The following RAB27A variants were observed in gnomAD, a reference collection of about 807,000 sequenced individuals.
RAB27A encodes the protein RAB27A, member RAS oncogene family.
Under a neutral mutation model 20.8 loss-of-function variants are expected in RAB27A, and 17 were observed. That is an observed-to-expected ratio of 0.82 (90% CI 0.56 to 1.23). The LOEUF (loss-of-function observed/expected upper bound fraction) is 1.23, where lower values mean the gene tolerates loss of function less well. RAB27A is among the 50% of genes most tolerant of loss of function. The probability of loss-of-function intolerance (pLI) is 0.00; values close to 1 mark genes in which losing one functional copy is unlikely to be tolerated. For missense variants in RAB27A, 277 were observed against 266.7 expected (o/e 1.04, Z -0.27); for synonymous variants, 85 against 92.8 (o/e 0.92, Z 0.48).
chr15:55,223,997 T>A lies in RAB27A; in HGVS notation c.359A>T (p.His120Leu), dbSNP rs1895697623. 6.3e-6 allele frequency: 10 copies of A among 1,584,854 alleles called. No homozygotes were observed. The highest frequency in any genetic ancestry group is 1.3e-5 in the African/African-American group (1 of 74,344). The change falls in exon 6 of 7, where the codon CAT (histidine) becomes CTT (leucine). Residue 120 changes from histidine (H) to leucine (L), a missense_variant. Physicochemically the swap from His to Leu is moderately conservative, Grantham distance 99. Transcript: ENST00000336787. The stretch of plus-strand genomic sequence containing the variant: ...TATATCTGGGTTTTCACAATATGCA[T>A]GCATCTGTAGCTGGCCTATTAATAT... Reference protein sequence around the residue: ...VRNWISQLQMHAYCENPDIVL... With the variant: ...VRNWISQLQMLAYCENPDIVL...
intron 6 of RAB27A, among the ~76,000 whole-genome samples, chr15:55,221,016 C>G (rs1352762602): frequency 6.6e-6 from 1 of 152,186 alleles, no homozygotes; most frequent in Non-Finnish European, 1.5e-5. Flanking sequence ...GAGCTCCTCT[C>G]TATGAAATAC....
At chr15:55,300,029 C>T (rs185138353) in intron 2 of RAB27A, among the ~76,000 whole-genome samples, 7 of 152,058 alleles carry the variant, frequency 4.6e-5, no homozygotes, top group Admixed American at 2.0e-4. Flanking sequence ...ACCACGTTAG[C>T]CAGGATGGTC....
chr15:55,253,263 C>T (rs1278813311), intron 2 of RAB27A, among the ~76,000 whole-genome samples: 1 of 151,640 alleles, frequency 6.6e-6, no homozygotes, highest in Non-Finnish European at 1.5e-5. Context: ...GCCTGGCCAA[C>T]ATGGTGAAAC....
At chr15:55,206,207 T>A (rs1433264998) in intron 6 of RAB27A, 1 of 487,220 alleles carries the variant, frequency 2.1e-6, no homozygotes, top group Non-Finnish European at 2.7e-6. Context: ...TTAGACTGTC[T>A]CAAAAAAAAT....
intron 2 of RAB27A, among the ~76,000 whole-genome samples, chr15:55,240,474 G>C (rs1896436230): frequency 1.3e-5 from 2 of 152,092 alleles, no homozygotes; most frequent in Non-Finnish European, 2.9e-5. Context: ...CCTATACATA[G>C]CATATACACT....
At position 55,203,381 on chromosome 15, in the gene RAB27A, T is replaced by C. The variant is rs906628031; in HGVS notation, c.*2126A>G. On this transcript the variant is annotated 3_prime_UTR_variant, in exon 7 of 7. Transcript: ENST00000336787. ...GCACTGAAGTCTTATGGCAACTATATAAGGCACTGCTGTGTGATTATGACC... is the reference window on the plus strand; with the variant it reads ...GCACTGAAGTCTTATGGCAACTATACAAGGCACTGCTGTGTGATTATGACC... 6.6e-6 allele frequency: 1 copy of C among 151,808 alleles called. No individual in the cohort carries two copies. The highest frequency in any genetic ancestry group is 2.4e-5 in the African/African-American group (1 of 41,308). The allele number at this position is 151,808 out of a possible 1,614,324, so 9.4% of individuals were successfully genotyped here. A position where few individuals can be genotyped will look rare whatever the true frequency, so the allele number is the denominator to read the frequency against.
intron 2 of RAB27A, among the ~76,000 whole-genome samples, chr15:55,263,018 G>C (rs1897332086): frequency 6.6e-6 from 1 of 152,176 alleles, no homozygotes; most frequent in South Asian, 2.1e-4. Context: ...GTTTCAGCAT[G>C]TATCAAGGAG....
intron 2 of RAB27A, among the ~76,000 whole-genome samples, chr15:55,313,165 T>C (rs539758047): frequency 6.6e-6 from 1 of 152,328 alleles, no homozygotes; most frequent in East Asian, 1.9e-4. Flanking sequence ...CCTAGAATCC[T>C]AGTGCTTTGG....
intron 2 of RAB27A, among the ~76,000 whole-genome samples, chr15:55,304,859 T>C (rs145677411): frequency 1.2e-4 from 19 of 152,052 alleles, no homozygotes. Context: ...ATGGTGTGTG[T>C]GTATTTTGTT....
At chr15:55,230,552 T>A in intron 3 of RAB27A, 66 bp from the exon 4 acceptor site, 1 of 1,333,082 alleles carries the variant, frequency 7.5e-7, no homozygotes, top group East Asian at 2.3e-5. Flanking sequence ...TTCTCACCTT[T>A]TTGTTCAGTA....
At chr15:55,234,049 T>A (rs917064203) in intron 3 of RAB27A, among the ~76,000 whole-genome samples, 1 of 152,148 alleles carries the variant, frequency 6.6e-6, no homozygotes, top group Admixed American at 6.6e-5. Flanking sequence ...CCTGACAGAA[T>A]ATGATCCATT....
At chr15:55,266,178 C>G (rs1283419864) in intron 2 of RAB27A, among the ~76,000 whole-genome samples, 1 of 152,118 alleles carries the variant, frequency 6.6e-6, no homozygotes, top group Admixed American at 6.6e-5. Flanking sequence ...GGATTAGTGC[C>G]CCTATAAGAA....
chr15:55,271,183 T>A (rs1422604717), intron 1 of RAB27A, among the ~76,000 whole-genome samples: 1 of 152,186 alleles, frequency 6.6e-6, no homozygotes. Flanking sequence ...CTCCTGTTAA[T>A]GGCTCCCCAC....
At chr15:55,208,000 C>CTATTTAAATAGCTA (rs1401748110) in intron 6 of RAB27A, among the ~76,000 whole-genome samples, 5 of 152,346 alleles carry the variant, frequency 3.3e-5, no homozygotes, top group Admixed American at 3.3e-4. Context: ...CTACATGTGA[C>CTATTTAAATAGCTA]CAGTGGCTAT....
At position 55,300,640 on chromosome 15, in the gene RAB27A, T is replaced by C. The variant is rs190345553; in HGVS notation, c.-112+13399A>G. Among the ~76,000 whole-genome samples the C allele has an allele frequency of 3.1e-3, 464 of 151,882 alleles. 5 individuals carry two copies. Among genetic ancestry groups the C allele is most frequent in the African/African-American group, 0.01 (425 of 41,340 alleles). ...GTTGCAGTAAGCCGAGAGTGTGCCA[T>C]TGCACCCCAGTCTGGGCAACAAGAG... On this transcript the variant is annotated intron_variant, in intron 2 of 5. Coordinates refer to the RAB27A transcript ENST00000563262.
chr15:55,312,566 C>T (rs1229882117), intron 2 of RAB27A, among the ~76,000 whole-genome samples: 3 of 152,102 alleles, frequency 2.0e-5, no homozygotes, highest in Admixed American at 2.0e-4. Flanking sequence ...TTGTAATTTT[C>T]CATCTTTTTG....
intron 6 of RAB27A, among the ~76,000 whole-genome samples, chr15:55,208,242 C>T (rs939972713): frequency 1.3e-5 from 2 of 152,162 alleles, no homozygotes; most frequent in Admixed American, 6.5e-5. Flanking sequence ...GATACAAGAT[C>T]ATTTGTGTGA....
chr15:55,301,213 C>G (rs1743614935), intron 2 of RAB27A, among the ~76,000 whole-genome samples: 1 of 152,186 alleles, frequency 6.6e-6, no homozygotes, highest in African/African-American at 2.4e-5. Flanking sequence ...CTGCCTTAGC[C>G]TCCCAAATAG....
intron 6 of RAB27A, among the ~76,000 whole-genome samples, chr15:55,217,978 C>T (rs1895393932): frequency 6.6e-6 from 1 of 152,136 alleles, no homozygotes; most frequent in African/African-American, 2.4e-5. Flanking sequence ...GGGGCATAAG[C>T]ATTTGCAGTT....
Sources: gnomAD v4.1 joint callset for allele counts (sites outside exome capture counted in the v4.1 genomes callset) on GRCh38, gnomAD v4.1.1 for gene constraint, MANE v1.5 for transcripts, NCBI Gene and HGNC (gene_info 2026-07-23, HGNC 2026-07-21) for gene names.